The following PEBP4 variants were observed in gnomAD, a reference collection of about 807,000 sequenced individuals.
PEBP4 encodes phosphatidylethanolamine-binding protein 4.
Under a neutral mutation model 23.9 loss-of-function variants are expected in PEBP4, and 22 were observed. The observed-to-expected ratio is 0.92, with a 90% CI of 0.66 to 1.31. The LOEUF (loss-of-function observed/expected upper bound fraction) is 1.31. Among genes scored for constraint, PEBP4 ranks in the 40% most tolerant of loss-of-function variants. The pLI is 0.00. For missense variants in PEBP4, 324 were observed against 281.7 expected (o/e 1.15, Z -1.07); for synonymous variants, 112 against 99.3 (o/e 1.13, Z -0.76).
intron 4 of PEBP4, among the ~76,000 whole-genome samples, chr8:22,741,624 T>G (rs568544556): frequency 1.3e-5 from 2 of 152,242 alleles, no homozygotes; most frequent in South Asian, 2.1e-4. Flanking sequence ...CAGCGGAACC[T>G]GGGTCACTGT....
At chr8:22,885,036 T>C (rs1310870440) in intron 3 of PEBP4, 2 of 152,124 alleles carry the variant, frequency 1.3e-5, no homozygotes, top group Non-Finnish European at 2.9e-5. Context: ...TCTCCCCAAA[T>C]GAAGTGGACA....
chr8:22,886,438 C>T (rs989089746), intron 3 of PEBP4: 2 of 152,242 alleles, frequency 1.3e-5, no homozygotes, highest in African/African-American at 4.8e-5. Context: ...ACTTTCTTAT[C>T]TTTAAAATGC....
intron 6 of PEBP4, among the ~76,000 whole-genome samples, chr8:22,716,472 G>T (rs1804422248): frequency 6.6e-6 from 1 of 152,230 alleles, no homozygotes; most frequent in Non-Finnish European, 1.5e-5. Flanking sequence ...AGGGGGGAAA[G>T]ATGTCCCCTG....
chr8:22,889,353 C>T (rs1808446316), intron 3 of PEBP4, among the ~76,000 whole-genome samples: 1 of 152,192 alleles, frequency 6.6e-6, no homozygotes, highest in African/African-American at 2.4e-5. Flanking sequence ...AAATCCAGAA[C>T]AATGCAGGGG....
intron 3 of PEBP4, among the ~76,000 whole-genome samples, chr8:22,907,837 C>A (rs182387549): frequency 1.1e-3 from 166 of 152,104 alleles, no homozygotes; most frequent in South Asian, 2.1e-3. Flanking sequence ...TTGCAATGAC[C>A]CAGGTTGGGA....
At chr8:22,772,498 T>C (rs528676710) in intron 4 of PEBP4, among the ~76,000 whole-genome samples, 27,382 of 142,642 alleles carry the variant, frequency 0.19, 2,577 homozygotes, top group East Asian at 0.28. Flanking sequence ...TCTCTCTTTT[T>C]TTTTTTTTTT....
chr8:22,928,958 AG>A (rs1809409715), upstream of PEBP4, among the ~76,000 whole-genome samples: 3 of 152,166 alleles, frequency 2.0e-5, no homozygotes, highest in Admixed American at 2.0e-4. Flanking sequence ...AGCCCCCCTT[AG>A]GGGCTACATA....
intron 1 of PEBP4, among the ~76,000 whole-genome samples, chr8:22,939,989 G>C (rs528043626): frequency 6.6e-6 from 1 of 152,320 alleles, no homozygotes; most frequent in Admixed American, 6.5e-5. Context: ...GGAATGGCAG[G>C]CTCCAGAGGG....
At chr8:22,912,848 G>C (rs1808971766) in intron 3 of PEBP4, among the ~76,000 whole-genome samples, 1 of 152,204 alleles carries the variant, frequency 6.6e-6, no homozygotes, top group Admixed American at 6.5e-5. Flanking sequence ...CACTGAAGGA[G>C]CCAGGGACAA....
At chr8:22,795,155 ATATATATATTTTTTTTTTTTTTTTT>A (rs1405192092) in intron 4 of PEBP4, among the ~76,000 whole-genome samples, 3 of 32,568 alleles carry the variant, frequency 9.2e-5, no homozygotes, top group South Asian at 1.5e-3. Context: ...ATATATATAT[ATATATATATTTTTTTTTTTTTTTTT>A]TTTTTTTTTT....
Position 22,940,853 on chromosome 8 carries a change from C to G in PEBP4, c.145-13133G>C, listed in dbSNP as rs575017988. Among the ~76,000 whole-genome samples, 14 of 152,284 alleles carry G rather than the reference C, an allele frequency of 9.2e-5. 1 individual carries two copies. Among genetic ancestry groups the G allele is most frequent in the African/African-American group, 3.1e-4 (13 of 41,540 alleles). On this transcript the variant is annotated intron_variant, in intron 1 of 1. Coordinates refer to the PEBP4 transcript ENST00000522278. ...TTTTTCTCTCCTCTGTCTCCTCTCT[C>G]GTAGCAAATTCCTACCGCACACAAA... is the stretch of plus-strand genomic sequence containing the variant.
chr8:22,734,564 A>G (rs932533459), intron 4 of PEBP4, among the ~76,000 whole-genome samples: 2 of 152,118 alleles, frequency 1.3e-5, no homozygotes, highest in East Asian at 1.9e-4. Context: ...GGAGATGCCA[A>G]TGGGTGCATG....
rs551710165 is a variant in PEBP4 at position 22,893,246 on chromosome 8, C to T, written c.258+26938G>A. On this transcript the variant is annotated intron_variant, in intron 3 of 6. Transcript: ENST00000256404. ...CAAAATTAGCCCTAGAAAAACGCTG[C>T]TCTTGTCCTATTTACCAAAGTTTAA... is the stretch of plus-strand genomic sequence containing the variant. Among the ~76,000 whole-genome samples, 33 of 152,310 alleles carry T rather than the reference C, an allele frequency of 2.2e-4. 1 individual carries two copies. The highest frequency in any genetic ancestry group is 3.9e-4 in the Admixed American group (6 of 15,304).
At chr8:22,747,819 C>G (rs766828561) in intron 4 of PEBP4, among the ~76,000 whole-genome samples, 8 of 152,156 alleles carry the variant, frequency 5.3e-5, no homozygotes, top group Non-Finnish European at 1.2e-4. Context: ...ATAAAAGTCT[C>G]CCGGAAAGCC....
At chr8:22,820,658 G>C (rs1322711247) in intron 3 of PEBP4, among the ~76,000 whole-genome samples, 2 of 152,186 alleles carry the variant, frequency 1.3e-5, no homozygotes, top group South Asian at 2.1e-4. Context: ...GGCAGGTAAA[G>C]TATCAGTAAA....
At chr8:22,836,596 G>A (rs373543486) in intron 3 of PEBP4, among the ~76,000 whole-genome samples, 49 of 152,358 alleles carry the variant, frequency 3.2e-4, no homozygotes, top group African/African-American at 1.2e-3. Context: ...GGGAAGGAAC[G>A]CTCTCGCCTG....
intron 3 of PEBP4, among the ~76,000 whole-genome samples, chr8:22,822,245 C>T (rs1402822279): frequency 6.6e-6 from 1 of 151,860 alleles, no homozygotes; most frequent in East Asian, 1.9e-4. Flanking sequence ...AAACCACAAA[C>T]TAGATGCTAT....
upstream of PEBP4, among the ~76,000 whole-genome samples, chr8:22,931,669 C>T (rs1446631346): frequency 2.6e-5 from 4 of 152,196 alleles, no homozygotes; most frequent in East Asian, 3.9e-4. Flanking sequence ...CTGCTGCCTC[C>T]GCCTCCTAGG....
chr8:22,785,113 G>A (rs1472606562), intron 4 of PEBP4, among the ~76,000 whole-genome samples: 1 of 152,140 alleles, frequency 6.6e-6, no homozygotes, highest in African/African-American at 2.4e-5. Flanking sequence ...TGCTGCTCCC[G>A]TGGCAGTGGG....
Sources: allele counts gnomAD v4.1 joint callset (sites outside exome capture counted in the v4.1 genomes callset), GRCh38; gene constraint gnomAD v4.1.1; transcripts MANE v1.5; gene names NCBI Gene and HGNC (gene_info 2026-07-23, HGNC 2026-07-21).